The following EIF2AK4 variants were observed in gnomAD, a reference collection of about 807,000 sequenced individuals.
The protein encoded by EIF2AK4 is eIF-2-alpha kinase GCN2.
Under a neutral mutation model 211.1 loss-of-function variants are expected in EIF2AK4, and 139 were observed. The ratio of observed to expected loss-of-function variants is 0.66; its 90% CI spans 0.57 to 0.76. EIF2AK4 has a LOEUF of 0.76. Ranked by LOEUF, EIF2AK4 falls within the 30% of genes least tolerant of loss-of-function variation. The pLI is 0.00. For synonymous variants in EIF2AK4, 710 were observed against 751.3 expected, an observed-to-expected ratio of 0.94 and a Z score of 0.90; for missense variants, 1,664 against 2,043.8, an observed-to-expected ratio of 0.81 and a Z score of 3.58.
At chr15:39,968,333 A>G (rs1375251747) in intron 9 of EIF2AK4, among the ~76,000 whole-genome samples, 1 of 152,230 alleles carries the variant, frequency 6.6e-6, no homozygotes, top group Non-Finnish European at 1.5e-5. Flanking sequence ...TAGAATGCAA[A>G]TAACTTCCTT....
Position 40,028,565 on chromosome 15 carries a change from C to G in EIF2AK4, c.4503-841C>G, listed in dbSNP as rs117993881. On this transcript the variant is annotated intron_variant, in intron 33 of 38. Coordinates refer to ENST00000263791, the MANE Select transcript of EIF2AK4 (RefSeq NM_001013703.4). ...TACCCCCCAACAGAGAATTTTCTGG[C>G]CTAAAATTTCAGTAGTACCAAGATT... 9.9e-5 allele frequency among the ~76,000 whole-genome samples: 15 copies of G among 152,210 alleles called. No homozygotes were observed. The East Asian group carries it at 2.9e-3, about 29-fold the overall frequency.
At chr15:40,019,752 G>C (rs2035357830) in intron 30 of EIF2AK4, among the ~76,000 whole-genome samples, 1 of 152,168 alleles carries the variant, frequency 6.6e-6, no homozygotes, top group Admixed American at 6.5e-5. Flanking sequence ...TGCCAAAAAG[G>C]TTGAAGACTT....
chr15:39,983,693 C>T (rs62004084), intron 13 of EIF2AK4, among the ~76,000 whole-genome samples: 41,761 of 152,204 alleles, frequency 0.27, 7,673 homozygotes, highest in Non-Finnish European at 0.41. Flanking sequence ...CCGACTGCCT[C>T]GGCCTTCCAC....
chr15:40,017,061 C>G, intron 28 of EIF2AK4, 47 bp from the exon 29 acceptor site: 1 of 1,592,816 alleles, frequency 6.3e-7, no homozygotes, highest in South Asian at 1.1e-5. Flanking sequence ...ATTCCACATT[C>G]TAAATTTCAA....
At chr15:39,962,127 G>A (rs1383036606) in intron 7 of EIF2AK4, among the ~76,000 whole-genome samples, 1 of 152,172 alleles carries the variant, frequency 6.6e-6, no homozygotes, top group Non-Finnish European at 1.5e-5. Flanking sequence ...GGGCACCGTG[G>A]CTATGCCTAT....
chr15:39,936,520 C>G (rs2034067233), intron 1 of EIF2AK4, among the ~76,000 whole-genome samples: 1 of 152,200 alleles, frequency 6.6e-6, no homozygotes, highest in Non-Finnish European at 1.5e-5. Context: ...TCAAGCGATT[C>G]TTGTGCCTCA....
intron 27 of EIF2AK4, among the ~76,000 whole-genome samples, chr15:40,012,267 C>T (rs924275326): frequency 1.3e-5 from 2 of 152,128 alleles, no homozygotes; most frequent in South Asian, 4.1e-4. Flanking sequence ...GGGATATGCA[C>T]AGCATGTATC....
intron 34 of EIF2AK4, 36 bp from the exon 35 acceptor site, chr15:40,030,323 A>G: frequency 1.2e-6 from 2 of 1,600,482 alleles, no homozygotes; most frequent in Non-Finnish European, 8.5e-7. Context: ...GTGGGACCAG[A>G]TAAGGCCATA....
chr15:39,952,147 C>T (rs1383531643), intron 4 of EIF2AK4, among the ~76,000 whole-genome samples: 3 of 152,120 alleles, frequency 2.0e-5, no homozygotes, highest in African/African-American at 7.2e-5. Context: ...AAACAAACAT[C>T]CTGGGATTTT....
intron 23 of EIF2AK4, among the ~76,000 whole-genome samples, chr15:40,004,795 A>T (rs1262283185): frequency 6.6e-6 from 1 of 152,200 alleles, no homozygotes; most frequent in Non-Finnish European, 1.5e-5. Flanking sequence ...ACTCAAGCAG[A>T]TCCTTCTGCC....
chr15:39,985,965 C>A, intron 14 of EIF2AK4, 77 bp downstream of exon 14: 1 of 1,303,032 alleles, frequency 7.7e-7, no homozygotes, highest in South Asian at 1.3e-5. Context: ...GGTATTAGAA[C>A]AAGATAATGG....
intron 3 of EIF2AK4, among the ~76,000 whole-genome samples, chr15:39,944,336 G>A (rs1466955925): frequency 3.9e-5 from 6 of 152,026 alleles, no homozygotes; most frequent in Non-Finnish European, 7.4e-5. Flanking sequence ...GCTTTCCTTA[G>A]GCCAGACCAA....
At position 40,008,126 on chromosome 15, in the gene EIF2AK4, C is replaced by T. The variant is rs936357152; in HGVS notation, c.3507C>T (p.Asn1169=). The part of the protein sequence containing the change: ...CAFDIVTSTT[N]SFLPTAEIIY... ...TTGATATTGTCACTTCTACCACCAA[C>T]AGCTTTCTGCCCACTGCTGAAATTA... The change falls in exon 25 of 39, where the codon AAC becomes AAT. Residue 1169 remains asparagine (N), a synonymous_variant. Coordinates refer to ENST00000263791, the MANE Select transcript of EIF2AK4 (RefSeq NM_001013703.4). 6.2e-7 allele frequency: 1 copy of T among 1,612,656 alleles called. No homozygotes were observed. The highest frequency in any genetic ancestry group is 8.5e-7 in the Non-Finnish European group (1 of 1,179,458).
rs754367181 is a variant in EIF2AK4 at position 39,985,922 on chromosome 15, A to G, written c.2403+34A>G. On this transcript the variant is annotated intron_variant, in intron 14 of 38. Transcript: ENST00000263791. ...GTGGTGTGTAGTTAGGTGACACAGC[A>G]ACACCCAGTAGTGGCGGGTGGGCCT... 3 of 1,596,318 alleles carry G rather than the reference A, an allele frequency of 1.9e-6. No individual in the cohort carries two copies. The South Asian group carries it at 3.3e-5, about 18-fold the overall frequency.
intron 30 of EIF2AK4, among the ~76,000 whole-genome samples, chr15:40,020,082 G>C (rs907991963): frequency 6.6e-6 from 1 of 150,964 alleles, no homozygotes; most frequent in African/African-American, 2.4e-5. Context: ...TGGGAGAATC[G>C]TTTGAACCCA....
At chr15:39,971,283 G>A (rs887409611) in intron 9 of EIF2AK4, among the ~76,000 whole-genome samples, 6 of 152,158 alleles carry the variant, frequency 3.9e-5, no homozygotes, top group African/African-American at 9.7e-5. Context: ...CAGCACTTTG[G>A]GAGGCTGAGG....
rs748096229 is a variant in EIF2AK4 at position 39,967,436 on chromosome 15, C to T, written c.1110C>T (p.Asp370=). The T allele has an allele frequency of 1.1e-5, 18 of 1,613,486 alleles. No individual in the cohort carries two copies. The Admixed American group carries it at 1.7e-4, about 15-fold the overall frequency. Residue 370 remains aspartate, a synonymous_variant, in exon 9 of 39, where the codon GAC becomes GAT. Coordinates refer to ENST00000263791, the MANE Select transcript of EIF2AK4 (RefSeq NM_001013703.4). ...TTGCAATGAATCTCAAAGAGCAAGACGACTCCATCGTGGTGGACATTTTAG... is the reference window on the plus strand; with the variant it reads ...TTGCAATGAATCTCAAAGAGCAAGATGACTCCATCGTGGTGGACATTTTAG... ...RYLAMNLKEQ[D]DSIVVDILVE...
chr15:39,975,534 G>A (rs773661593), intron 11 of EIF2AK4: 5 of 152,172 alleles, frequency 3.3e-5, no homozygotes, highest in Non-Finnish European at 5.9e-5. Context: ...TGACCTGCAC[G>A]GATGTGACTA....
rs1806908746 is a variant in EIF2AK4 at position 40,009,728 on chromosome 15, G to A, written c.3691G>A (p.Val1231Met). Reference sequence around the variant, plus strand: ...AGTCTACATTATTCTGTATGATGCTGTGGTAAGCATTTAATTACTTATGAT... The same window carrying A: ...AGTCTACATTATTCTGTATGATGCTATGGTAAGCATTTAATTACTTATGAT... ...SQVYIILYDA[V>M]TEKLTRREVE... The change falls in exon 26 of 39, where the codon GTG (valine) becomes ATG (methionine). Residue 1231 changes from valine (V) to methionine (M), a missense_variant and splice_region_variant. Coordinates refer to ENST00000263791, the MANE Select transcript of EIF2AK4 (RefSeq NM_001013703.4). 4 of 1,556,108 alleles carry A rather than the reference G, an allele frequency of 2.6e-6. No individual in the cohort carries two copies. The highest frequency in any genetic ancestry group is 3.5e-6 in the Non-Finnish European group (4 of 1,136,052).
Sources: gnomAD v4.1 joint callset for allele counts (sites outside exome capture counted in the v4.1 genomes callset) on GRCh38, gnomAD v4.1.1 for gene constraint, MANE v1.5 for transcripts, NCBI Gene and HGNC (gene_info 2026-07-23, HGNC 2026-07-21) for gene names.